Variants in MGAT4D observed in about 807,000 individuals in gnomAD.
MGAT4D encodes alpha-1,3-mannosyl-glycoprotein 4-beta-N-acetylglucosaminyltransferase-like protein MGAT4D.
Under a neutral mutation model 15.9 loss-of-function variants are expected in MGAT4D, and 34 were observed. The ratio of observed to expected loss-of-function variants is 2.14; its 90% CI spans 1.62 to 2.84. The LOEUF (loss-of-function observed/expected upper bound fraction) is 2.84. Ranked by LOEUF, MGAT4D falls within the 30% of genes most tolerant of loss-of-function variation. The pLI is 0.00. For missense variants in MGAT4D, 327 were observed against 140.2 expected (o/e 2.33, Z -6.73); for synonymous variants, 112 against 48.2 (o/e 2.33, Z -5.49).
chr4:140,459,521 C>T lies in MGAT4D; in HGVS notation c.868G>A (p.Gly290Arg). ...TAAATCCATTGCTTACCTATGAATCCAAGCATTGAAAACTCAATAAAAAAC... is the reference window on the plus strand; with the variant it reads ...TAAATCCATTGCTTACCTATGAATCTAAGCATTGAAAACTCAATAAAAAAC... ...NWFFIEFSML[G>R]FIGKLFRSED... The change falls in exon 8 of 11, where the codon GGA becomes AGA. Residue 290 changes from glycine to arginine, a missense_variant. Gly to Arg is a moderately radical substitution (Grantham distance 125, BLOSUM62 -2). Transcript: ENST00000511113. The T allele has an allele frequency of 2.1e-6, 1 of 480,518 alleles. No individual in the cohort carries two copies. Among genetic ancestry groups the T allele is most frequent in the Non-Finnish European group, 3.7e-6 (1 of 272,454 alleles). The allele number at this position is 480,518 out of a possible 1,614,324, so 29.8% of individuals were successfully genotyped here.
intron 5 of MGAT4D, among the ~76,000 whole-genome samples, chr4:140,471,279 CTT>C (rs1731938983): frequency 7.7e-6 from 1 of 130,670 alleles, no homozygotes; most frequent in African/African-American, 3.0e-5. Flanking sequence ...TCCTTCCTTC[CTT>C]CCTTCTCTCT....
chr4:140,471,232 T>TTCCC (rs1731927677), intron 5 of MGAT4D, among the ~76,000 whole-genome samples: 1 of 61,388 alleles, frequency 1.6e-5, no homozygotes, highest in East Asian at 7.7e-4. Flanking sequence ...TTTTGTTTCC[T>TTCCC]TCCTTCCTTC....
At chr4:140,479,700 A>G in intron 2 of MGAT4D, 73 bp from the exon 3 acceptor site, 1 of 368,352 alleles carries the variant, frequency 2.7e-6, no homozygotes, top group East Asian at 3.8e-5. Context: ...ATTTTTTCAA[A>G]GAGGTGTTAA....
intron 1 of MGAT4D, among the ~76,000 whole-genome samples, chr4:140,490,982 T>C (rs945500283): frequency 2.1e-4 from 32 of 152,364 alleles, no homozygotes; most frequent in African/African-American, 6.0e-4. Context: ...TATTCCAACA[T>C]GAATCCTCGA....
In MGAT4D at chr4:140,482,332, T is replaced by C. The variant is rs1431111372; in HGVS notation, c.248A>G (p.Asn83Ser). Reference sequence around the variant, plus strand: ...CAAACAAAATCAACACAAACCTAAGTTTCCTGACAAAATTTCTCTCTTTGT... The same window carrying C: ...CAAACAAAATCAACACAAACCTAAGCTTCCTGACAAAATTTCTCTCTTTGT... ...EITKREILSG[N>S]LVAQKADILN... The change falls in exon 2 of 11, where the codon AAC becomes AGC. Residue 83 changes from asparagine (N) to serine (S), a missense_variant. Transcript: ENST00000511113. The C allele has an allele frequency of 1.6e-6, 1 of 623,006 alleles. No homozygotes were observed. Among genetic ancestry groups the C allele is most frequent in the South Asian group, 1.9e-5 (1 of 53,974 alleles). 38.6% of individuals were successfully genotyped at this position (623,006 alleles called of 1,614,324 possible).
intron 1 of MGAT4D, among the ~76,000 whole-genome samples, chr4:140,489,212 T>C (rs1428469631): frequency 1.3e-5 from 2 of 152,134 alleles, no homozygotes; most frequent in Non-Finnish European, 2.9e-5. Flanking sequence ...AAATAAAGAA[T>C]ATCTAAGGTA....
chr4:140,452,264 T>A (rs1458941351), intron 9 of MGAT4D, among the ~76,000 whole-genome samples: 1 of 152,034 alleles, frequency 6.6e-6, no homozygotes, highest in East Asian at 1.9e-4. Context: ...TTTTTATACA[T>A]AGAAGATTCA....
chr4:140,443,457 C>T lies in MGAT4D; in HGVS notation c.1117-13G>A, dbSNP rs1240259754. ...ATCTTCATATTTTCTGAAATGAAAA[C>T]AAAAAATGTAACATCTAGAAATAAT... On this transcript the variant is annotated splice_polypyrimidine_tract_variant and intron_variant, in intron 10 of 10. Coordinates refer to ENST00000511113, the MANE Select transcript of MGAT4D (RefSeq NM_001277353.2). 3.7e-6 allele frequency: 2 copies of T among 536,796 alleles called. No individual in the cohort carries two copies. Among genetic ancestry groups the T allele is most frequent in the Non-Finnish European group, 6.7e-6 (2 of 300,376 alleles). The allele number at this position is 536,796 out of a possible 1,614,324, so 33.3% of individuals were successfully genotyped here.
chr4:140,493,239 A>G (rs1348375680), intron 1 of MGAT4D, among the ~76,000 whole-genome samples: 1 of 149,334 alleles, frequency 6.7e-6, no homozygotes, highest in Non-Finnish European at 1.5e-5. Flanking sequence ...CCATCTCATG[A>G]TGATACTACG....
intron 3 of MGAT4D, among the ~76,000 whole-genome samples, chr4:140,477,059 T>C (rs371973737): frequency 9.9e-5 from 15 of 152,196 alleles, no homozygotes; most frequent in East Asian, 9.6e-4. Flanking sequence ...GTCTTGCTAC[T>C]AATACCCTCC....
chr4:140,453,768 A>G (rs1730619960), intron 9 of MGAT4D, among the ~76,000 whole-genome samples: 1 of 151,900 alleles, frequency 6.6e-6, no homozygotes, highest in Admixed American at 6.6e-5. Flanking sequence ...CCTCCTCTTC[A>G]CCTTCTGTCA....
intron 8 of MGAT4D, chr4:140,457,852 ATT>A (rs1317974216): frequency 3.3e-5 from 5 of 152,124 alleles, no homozygotes; most frequent in African/African-American, 1.2e-4. Context: ...GTTAACAATA[ATT>A]TTCCTTCTTA....
intron 4 of MGAT4D, among the ~76,000 whole-genome samples, chr4:140,472,768 C>T (rs1732052028): frequency 6.6e-6 from 1 of 152,026 alleles, no homozygotes; most frequent in Non-Finnish European, 1.5e-5. Context: ...ATGGGTTGTG[C>T]TAACAGCAAA....
intron 4 of MGAT4D, among the ~76,000 whole-genome samples, chr4:140,474,369 A>G (rs892132551): frequency 6.6e-6 from 1 of 152,216 alleles, no homozygotes; most frequent in Non-Finnish European, 1.5e-5. Flanking sequence ...TCTCTCAAGC[A>G]TAAGAAAGTC....
chr4:140,452,319 A>G (rs1207646095), intron 9 of MGAT4D, among the ~76,000 whole-genome samples: 1 of 152,156 alleles, frequency 6.6e-6, no homozygotes, highest in Non-Finnish European at 1.5e-5. Context: ...TTTTTACATA[A>G]CACATTTATT....
intron 8 of MGAT4D, chr4:140,457,659 G>C (rs1730897997): frequency 6.6e-6 from 1 of 152,134 alleles, no homozygotes; most frequent in Admixed American, 6.5e-5. Flanking sequence ...ACTTGAATAA[G>C]ATTTGGCATC....
chr4:140,486,168 T>C (rs1733114090), intron 1 of MGAT4D, among the ~76,000 whole-genome samples: 1 of 152,070 alleles, frequency 6.6e-6, no homozygotes, highest in African/African-American at 2.4e-5. Context: ...TCTCCTACCT[T>C]AGGGCTTTGG....
chr4:140,462,672 T>A (rs1486287108), intron 6 of MGAT4D: 2 of 152,152 alleles, frequency 1.3e-5, no homozygotes, highest in East Asian at 3.9e-4. Context: ...ACTCTCCCAA[T>A]CCTAGGGAAT....
intron 3 of MGAT4D, 22 bp from the exon 4 acceptor site, chr4:140,474,968 A>C: frequency 1.5e-6 from 1 of 648,006 alleles, no homozygotes; most frequent in South Asian, 1.7e-5. Context: ...GGAGTATGAA[A>C]TCATCATTCC....
Sources: gnomAD v4.1 joint callset for allele counts (sites outside exome capture counted in the v4.1 genomes callset) on GRCh38, gnomAD v4.1.1 for gene constraint, MANE v1.5 for transcripts, NCBI Gene and HGNC (gene_info 2026-07-23, HGNC 2026-07-21) for gene names.